Variants in OLFM2 observed in about 807,000 individuals in gnomAD.
OLFM2 encodes the protein noelin-2.
In OLFM2, 20 loss-of-function variants were observed where a neutral mutation model predicts 43.9. The observed-to-expected ratio is 0.46, with a 90% CI of 0.32 to 0.66. The LOEUF is 0.66. Ranked by LOEUF, OLFM2 falls within the 30% of genes least tolerant of loss-of-function variation. OLFM2 has a pLI of 0.04. For missense variants in OLFM2, 416 were observed against 643.6 expected, an observed-to-expected ratio of 0.65 and a Z score of 3.83; for synonymous variants, 268 against 278.6, an observed-to-expected ratio of 0.96 and a Z score of 0.38.
chr19:9,908,752 C>A (rs1347392746), intron 1 of OLFM2, among the ~76,000 whole-genome samples: 1 of 152,190 alleles, frequency 6.6e-6, no homozygotes, highest in African/African-American at 2.4e-5. Flanking sequence ...ACTGGGATTA[C>A]AGGTGTGAGC....
chr19:9,860,600 G>T, intron 2 of OLFM2, 45 bp downstream of exon 2: 1 of 1,551,192 alleles, frequency 6.4e-7, no homozygotes. Context: ...GGTGAGAACT[G>T]GGAGATTTTC....
chr19:9,915,162 CTA>C (rs1349999010), intron 1 of OLFM2, among the ~76,000 whole-genome samples: 1 of 152,018 alleles, frequency 6.6e-6, no homozygotes, highest in African/African-American at 2.4e-5. Context: ...TGAGCATCTA[CTA>C]TGTCCCAGGC....
At chr19:9,887,639 CCA>C (rs2145461552) in intron 1 of OLFM2, among the ~76,000 whole-genome samples, 1 of 152,144 alleles carries the variant, frequency 6.6e-6, no homozygotes, top group African/African-American at 2.4e-5. Context: ...CTACTTGCCC[CCA>C]CAGTCTGCTT....
At chr19:9,893,242 G>A (rs899783755) in intron 1 of OLFM2, among the ~76,000 whole-genome samples, 1 of 151,260 alleles carries the variant, frequency 6.6e-6, no homozygotes, top group African/African-American at 2.4e-5. Flanking sequence ...TCAGCTCACT[G>A]CAGCCTCCAC....
At position 9,861,225 on chromosome 19, in the gene OLFM2, T is replaced by G. The variant is rs1262956928; in HGVS notation, c.64-431A>C. 4.0e-5 allele frequency among the ~76,000 whole-genome samples: 6 copies of G among 150,466 alleles called. No homozygotes were observed. In the South Asian group the frequency reaches 6.3e-4, roughly 16 times the overall value. ...AATGTTTTTTTTTTTTTTTGGTTTG[T>G]TTTTTGTTGTTGTTTGTTTTTGAGA... On this transcript the variant is annotated intron_variant, in intron 1 of 5. Coordinates refer to ENST00000264833, the MANE Select transcript of OLFM2 (RefSeq NM_058164.4).
chr19:9,898,426 G>C (rs894826280), intron 1 of OLFM2, among the ~76,000 whole-genome samples: 4 of 151,782 alleles, frequency 2.6e-5, no homozygotes, highest in African/African-American at 9.7e-5. Context: ...GGAGGCTGAG[G>C]CAGGAGAATT....
chr19:9,915,587 G>T (rs1434035220), intron 1 of OLFM2, among the ~76,000 whole-genome samples: 1 of 151,618 alleles, frequency 6.6e-6, no homozygotes, highest in African/African-American at 2.4e-5. Context: ...GCGTGATCTC[G>T]GCTCACTGCA....
chr19:9,856,676 A>G lies in OLFM2; in HGVS notation c.687+131T>C. ...GGGGGTTACTGGACAGGGAGGTCCA[A>G]TGGCCCTGGGGGATCCAGGACACTT... is the stretch of plus-strand genomic sequence containing the variant. On this transcript the variant is annotated intron_variant, in intron 5 of 5. Coordinates refer to ENST00000264833, the MANE Select transcript of OLFM2 (RefSeq NM_058164.4). The surrounding 1 kb of genome is among the most constrained non-coding windows in gnomAD (Gnocchi z 4.0). 3 of 716,714 alleles carry G rather than the reference A, an allele frequency of 4.2e-6. No individual in the cohort carries two copies. In the Admixed American group the frequency reaches 7.5e-5, roughly 18 times the overall value. The allele number at this position is 716,714 out of a possible 1,614,324, so 44.4% of individuals were successfully genotyped here. A position where few individuals can be genotyped will look rare whatever the true frequency, so the allele number is the denominator to read the frequency against.
chr19:9,901,496 C>T (rs2144978150), intron 1 of OLFM2, among the ~76,000 whole-genome samples: 1 of 152,248 alleles, frequency 6.6e-6, no homozygotes, highest in Non-Finnish European at 1.5e-5. Flanking sequence ...GTGAGCAGGG[C>T]TGTGCTCAGG....
chr19:9,894,631 C>G (rs531834221), intron 1 of OLFM2, among the ~76,000 whole-genome samples: 1 of 151,720 alleles, frequency 6.6e-6, no homozygotes, highest in Non-Finnish European at 1.5e-5. Context: ...ATGGCTTGAA[C>G]CCAGGAGGCA....
At chr19:9,900,989 A>AGGGAGGAAGGAAGGGAGGGAGGG (rs2046730040) in intron 1 of OLFM2, among the ~76,000 whole-genome samples, 5 of 30,342 alleles carry the variant, frequency 1.6e-4, no homozygotes, top group African/African-American at 1.2e-3. Flanking sequence ...GAAGGAAGGA[A>AGGGAGGAAGGAAGGGAGGGAGGG]GGGAGGGAGG....
intron 1 of OLFM2, among the ~76,000 whole-genome samples, chr19:9,919,174 C>T (rs1467994512): frequency 1.3e-4 from 16 of 123,120 alleles, no homozygotes; most frequent in South Asian, 2.6e-4. Context: ...TCATTTCTCT[C>T]TCTTTTTTTT....
intron 1 of OLFM2, among the ~76,000 whole-genome samples, chr19:9,881,875 C>T (rs533978009): frequency 6.6e-6 from 1 of 152,158 alleles, no homozygotes; most frequent in South Asian, 2.1e-4. Flanking sequence ...AATTTAATCA[C>T]CTCTTAAAAA....
At chr19:9,863,289 C>T (rs2046377625) in intron 1 of OLFM2, among the ~76,000 whole-genome samples, 1 of 151,950 alleles carries the variant, frequency 6.6e-6, no homozygotes, top group East Asian at 1.9e-4. Flanking sequence ...TGGGGCAAGG[C>T]CTTGTGGGAA....
chr19:9,865,376 A>G (rs930865147), intron 1 of OLFM2, among the ~76,000 whole-genome samples: 1 of 147,496 alleles, frequency 6.8e-6, no homozygotes, highest in African/African-American at 2.5e-5. Flanking sequence ...GAGTCTTGCT[A>G]TATTGTCCAG....
intron 2 of OLFM2, among the ~76,000 whole-genome samples, chr19:9,859,863 A>T (rs1599465210): frequency 6.6e-6 from 1 of 151,992 alleles, no homozygotes; most frequent in Admixed American, 6.5e-5. Context: ...TTGAACAGGC[A>T]GGGCGCAGTG....
chr19:9,908,642 C>A (rs933191540), intron 1 of OLFM2, among the ~76,000 whole-genome samples: 1 of 151,898 alleles, frequency 6.6e-6, no homozygotes, highest in African/African-American at 2.4e-5. Flanking sequence ...CCGTGCCCAG[C>A]TAATTATTGT....
intron 1 of OLFM2, among the ~76,000 whole-genome samples, chr19:9,903,042 C>T (rs1401386326): frequency 6.6e-6 from 1 of 152,010 alleles, no homozygotes; most frequent in Non-Finnish European, 1.5e-5. Flanking sequence ...AGGCATGCAC[C>T]ACCATGCCTG....
chr19:9,897,187 G>C (rs2046693109), intron 1 of OLFM2, among the ~76,000 whole-genome samples: 1 of 152,130 alleles, frequency 6.6e-6, no homozygotes, highest in Non-Finnish European at 1.5e-5. Flanking sequence ...AAATTAGGCA[G>C]GCATGGTGGT....
Sources: gnomAD v4.1 joint callset for allele counts (sites outside exome capture counted in the v4.1 genomes callset) on GRCh38, gnomAD v4.1.1 for gene constraint, Gnocchi (gnomAD v3.1) non-coding constraint, MANE v1.5 for transcripts, NCBI Gene and HGNC (gene_info 2026-07-23, HGNC 2026-07-21) for gene names.